The following RCHY1 variants were observed in gnomAD, a reference collection of about 807,000 sequenced individuals.
RCHY1 encodes RING finger and CHY zinc finger domain-containing protein 1.
RCHY1 carries 21 observed loss-of-function variants against 41.6 expected under a neutral mutation model. The ratio of observed to expected loss-of-function variants is 0.51; its 90% CI spans 0.36 to 0.73. RCHY1 has a LOEUF of 0.73. Ranked by LOEUF, RCHY1 falls within the 30% of genes least tolerant of loss-of-function variation. The probability of loss-of-function intolerance (pLI) is 0.00; values close to 1 mark genes in which losing one functional copy is unlikely to be tolerated. For missense variants in RCHY1, 265 were observed against 325.3 expected (o/e 0.81, Z 1.43); for synonymous variants, 79 against 102.9 (o/e 0.77, Z 1.41).
At chr4:75,483,038 T>A (rs1721650556) in intron 8 of RCHY1, among the ~76,000 whole-genome samples, 2 of 152,176 alleles carry the variant, frequency 1.3e-5, no homozygotes, top group Admixed American at 6.5e-5. Flanking sequence ...GAAATGTATC[T>A]CAATTAATAA....
chr4:75,486,908 G>A (rs933783933), intron 8 of RCHY1, among the ~76,000 whole-genome samples: 2 of 152,086 alleles, frequency 1.3e-5, no homozygotes, highest in Non-Finnish European at 2.9e-5. Flanking sequence ...AAACCCTGGA[G>A]GCAGAGGTTG....
chr4:75,480,854 G>A lies in RCHY1; in HGVS notation c.*1684C>T, dbSNP rs1721472034. The A allele has an allele frequency of 6.6e-6, 1 of 152,312 alleles. No individual in the cohort carries two copies. The highest frequency in any genetic ancestry group is 2.4e-5 in the African/African-American group (1 of 41,422). 9.4% of individuals were successfully genotyped at this position (152,312 alleles called of 1,614,324 possible). ...AAACAATTAAAAATTAGCTGGGCATGGTGGCACACACCTGTAGTCCCAGCT... is the reference window on the plus strand; with the variant it reads ...AAACAATTAAAAATTAGCTGGGCATAGTGGCACACACCTGTAGTCCCAGCT... On this transcript the variant is annotated 3_prime_UTR_variant, in exon 9 of 9. Coordinates refer to ENST00000324439, the MANE Select transcript of RCHY1 (RefSeq NM_015436.4).
At chr4:75,500,002 A>G (rs1224192678) in intron 3 of RCHY1, among the ~76,000 whole-genome samples, 1 of 152,212 alleles carries the variant, frequency 6.6e-6, no homozygotes, top group Non-Finnish European at 1.5e-5. Flanking sequence ...TTAGCTGGGC[A>G]TGGTGGCACA....
intron 7 of RCHY1, 151 bp from the exon 8 acceptor site, chr4:75,490,852 T>A (rs182027549): frequency 2.5e-4 from 139 of 557,606 alleles, no homozygotes; most frequent in Non-Finnish European, 5.3e-5. Flanking sequence ...CTGGGAACTT[T>A]CACACTATAA....
intron 3 of RCHY1, among the ~76,000 whole-genome samples, chr4:75,498,507 G>A: frequency 6.7e-6 from 1 of 149,884 alleles, no homozygotes; most frequent in African/African-American, 2.4e-5. Context: ...AAACATAACT[G>A]GAGAGGCTTC....
At chr4:75,498,949 G>T (rs911177205) in intron 3 of RCHY1, among the ~76,000 whole-genome samples, 3 of 152,044 alleles carry the variant, frequency 2.0e-5, no homozygotes, top group African/African-American at 7.2e-5. Flanking sequence ...ATTACATCAA[G>T]CTAAAAAGCT....
At chr4:75,488,895 C>T (rs1350855827) in intron 8 of RCHY1, among the ~76,000 whole-genome samples, 3 of 151,886 alleles carry the variant, frequency 2.0e-5, no homozygotes, top group Non-Finnish European at 2.9e-5. Context: ...GCCAACATGG[C>T]GAAACACCGA....
At chr4:75,511,814 A>G (rs1393674079) in intron 1 of RCHY1, among the ~76,000 whole-genome samples, 1 of 151,952 alleles carries the variant, frequency 6.6e-6, no homozygotes, top group Non-Finnish European at 1.5e-5. Flanking sequence ...ACAGACTGAA[A>G]AAAAAAAAAA....
intron 8 of RCHY1, among the ~76,000 whole-genome samples, chr4:75,483,510 T>C (rs1240227543): frequency 6.6e-6 from 1 of 152,188 alleles, no homozygotes. Context: ...TCTAAAATTG[T>C]GGTGATGTTT....
At chr4:75,498,381 A>C (rs1723418803) in intron 3 of RCHY1, among the ~76,000 whole-genome samples, 1 of 151,598 alleles carries the variant, frequency 6.6e-6, no homozygotes, top group South Asian at 2.1e-4. Flanking sequence ...GCTGAATTAT[A>C]GCAAACATTT....
chr4:75,496,922 T>G (rs1723260384), intron 3 of RCHY1, among the ~76,000 whole-genome samples: 1 of 152,070 alleles, frequency 6.6e-6, no homozygotes, highest in African/African-American at 2.4e-5. Flanking sequence ...GACACAGATG[T>G]TAGAATTAAT....
In RCHY1 at chr4:75,490,708, GAGAT is replaced by G. The variant is rs1722668579; in HGVS notation, c.537-11_537-8del. 4 of 1,593,998 alleles carry G rather than the reference GAGAT, an allele frequency of 2.5e-6. No homozygotes were observed. Among genetic ancestry groups the G allele is most frequent in the Non-Finnish European group, 3.4e-6 (4 of 1,168,720 alleles). ...TAATGGACATCTGTAGCCTCTGAAAGAGATAGAAAGGTTATTTTCCAAATATTAA... is the reference window on the plus strand; with the variant it reads ...TAATGGACATCTGTAGCCTCTGAAAGAGAAAGGTTATTTTCCAAATATTAA... On this transcript the variant is annotated splice_region_variant and splice_polypyrimidine_tract_variant and intron_variant, in intron 7 of 8. Coordinates refer to ENST00000324439, the MANE Select transcript of RCHY1 (RefSeq NM_015436.4).
At position 75,480,242 on chromosome 4, in the gene RCHY1, A is replaced by AC. The variant is rs1474531532; in HGVS notation, c.*2295dup. The AC allele has an allele frequency of 6.6e-6, 1 of 152,142 alleles. No individual in the cohort carries two copies. The highest frequency in any genetic ancestry group is 1.5e-5 in the Non-Finnish European group (1 of 68,018). 9.4% of individuals were successfully genotyped at this position (152,142 alleles called of 1,614,324 possible). On this transcript the variant is annotated 3_prime_UTR_variant, in exon 9 of 9. Transcript: ENST00000324439. ...GCATATGTACTCTGCATTATTTTGG[A>AC]CATGTTTGGATCCTAAGTTAAAGAA...
chr4:75,498,870 C>G (rs1723467578), intron 3 of RCHY1, among the ~76,000 whole-genome samples: 1 of 152,102 alleles, frequency 6.6e-6, no homozygotes, highest in African/African-American at 2.4e-5. Context: ...CTCCAGGACA[C>G]TGATCTTGGC....
chr4:75,487,287 T>C (rs1354097802), intron 8 of RCHY1, among the ~76,000 whole-genome samples: 4 of 151,008 alleles, frequency 2.6e-5, no homozygotes, highest in Non-Finnish European at 5.9e-5. Flanking sequence ...TTTGGGTAAA[T>C]TTCAAACAAT....
intron 3 of RCHY1, among the ~76,000 whole-genome samples, chr4:75,498,151 A>C (rs1262067217): frequency 2.0e-5 from 3 of 151,272 alleles, no homozygotes; most frequent in African/African-American, 7.3e-5. Context: ...AAAAGAGAAG[A>C]CGTAAGAACT....
chr4:75,485,836 T>C (rs1267678794), intron 8 of RCHY1, among the ~76,000 whole-genome samples: 11 of 152,216 alleles, frequency 7.2e-5, no homozygotes, highest in Admixed American at 7.2e-4. Context: ...CTATAGGTGT[T>C]ATGTGTATGT....
chr4:75,514,420 AC>A, upstream of RCHY1: 1 of 1,012,014 alleles, frequency 9.9e-7, no homozygotes, highest in African/African-American at 1.6e-5. Context: ...TAAGCACGTG[AC>A]CCGGGGCAGA....
At chr4:75,501,933 C>T (rs1223710635) in intron 3 of RCHY1, among the ~76,000 whole-genome samples, 1 of 152,018 alleles carries the variant, frequency 6.6e-6, no homozygotes, top group Non-Finnish European at 1.5e-5. Flanking sequence ...ACAAAATTAG[C>T]CAGGCATGGT....
Sources: allele counts gnomAD v4.1 joint callset (sites outside exome capture counted in the v4.1 genomes callset), GRCh38; gene constraint gnomAD v4.1.1; transcripts MANE v1.5; gene names NCBI Gene and HGNC (gene_info 2026-07-23, HGNC 2026-07-21).